The following TAF3 variants were observed in gnomAD, a reference collection of about 807,000 sequenced individuals.
The protein encoded by TAF3 is TATA-box binding protein associated factor 3, also known as transcription initiation factor TFIID subunit 3.
A neutral mutation model predicts 80.6 loss-of-function variants in TAF3; 7 were observed. That is an observed-to-expected ratio of 0.09 (90% CI 0.05 to 0.16). The LOEUF (loss-of-function observed/expected upper bound fraction) is 0.16. Ranked by LOEUF, TAF3 falls within the 10% of genes least tolerant of loss-of-function variation. TAF3 has a pLI of 1.00. For missense variants in TAF3, 921 were observed against 1,140.2 expected (o/e 0.81, Z 2.77); for synonymous variants, 444 against 446.1 (o/e 1.00, Z 0.06).
intron 2 of TAF3, among the ~76,000 whole-genome samples, chr10:7,941,596 C>T (rs1037877611): frequency 1.3e-5 from 2 of 152,210 alleles, no homozygotes; most frequent in East Asian, 3.8e-4. Context: ...CACTGCCTCA[C>T]TGTATCCTCA....
At chr10:7,867,176 T>A (rs948568213) in intron 2 of TAF3, among the ~76,000 whole-genome samples, 3 of 151,984 alleles carry the variant, frequency 2.0e-5, no homozygotes, top group African/African-American at 7.3e-5. Context: ...GGAGAATTGC[T>A]TGAACCCAGG....
At chr10:7,858,939 A>C (rs1588527344) in intron 2 of TAF3, among the ~76,000 whole-genome samples, 1 of 151,968 alleles carries the variant, frequency 6.6e-6, no homozygotes, top group South Asian at 2.1e-4. Flanking sequence ...TCTGGGCTCT[A>C]TTCATATGTC....
chr10:7,856,297 G>A (rs925561555), intron 2 of TAF3, among the ~76,000 whole-genome samples: 1 of 152,032 alleles, frequency 6.6e-6, no homozygotes, highest in African/African-American at 2.4e-5. Flanking sequence ...CCAGCATGGT[G>A]AAACCCCGTC....
intron 2 of TAF3, among the ~76,000 whole-genome samples, chr10:7,895,933 C>T (rs547451932): frequency 4.6e-5 from 7 of 152,212 alleles, no homozygotes; most frequent in South Asian, 4.2e-4. Flanking sequence ...CAGTGAACAC[C>T]GAAGCTGACC....
At position 7,859,154 on chromosome 10, in the gene TAF3, G is replaced by A. The variant is rs556900253; in HGVS notation, c.409+34594G>A. 9.0e-4 allele frequency among the ~76,000 whole-genome samples: 137 copies of A among 152,018 alleles called. 1 individual carries two copies. Among genetic ancestry groups the A allele is most frequent in the African/African-American group, 3.1e-3 (127 of 41,438 alleles). On this transcript the variant is annotated intron_variant, in intron 2 of 6. Transcript: ENST00000344293. ...TGGGCACCTGTAGTCCCAGTTACTC[G>A]GGAGGCTGAGGCAGGAGAATGGCGT...
rs183596781 is a variant in TAF3 at position 7,873,439 on chromosome 10, C to T, written c.409+48879C>T. Among the ~76,000 whole-genome samples the T allele has an allele frequency of 5.9e-5, 9 of 152,238 alleles. No individual in the cohort carries two copies. In the East Asian group the frequency reaches 1.3e-3, roughly 23 times the overall value. ...TGTAGGGTAAAATTTGAGAGATGAA[C>T]GAGATGGTTGAGGAACCTGTCATGT... is the stretch of plus-strand genomic sequence containing the variant. On this transcript the variant is annotated intron_variant, in intron 2 of 6. Coordinates refer to ENST00000344293, the MANE Select transcript of TAF3 (RefSeq NM_031923.4).
chr10:7,889,488 C>T (rs1837439406), intron 2 of TAF3, among the ~76,000 whole-genome samples: 1 of 152,178 alleles, frequency 6.6e-6, no homozygotes, highest in Admixed American at 6.5e-5. Flanking sequence ...GGCCCTTGGT[C>T]ACAGAGGTAG....
intron 2 of TAF3, among the ~76,000 whole-genome samples, chr10:7,959,563 T>G (rs1838169502): frequency 6.6e-6 from 1 of 152,230 alleles, no homozygotes; most frequent in East Asian, 1.9e-4. Flanking sequence ...GAGTCTTACT[T>G]TAAATCAAGC....
Position 7,818,763 on chromosome 10 carries a change from C to T in TAF3, c.54C>T (p.Cys18=), listed in dbSNP as rs567295716. The change falls in exon 1 of 7, where the codon TGC becomes TGT. Residue 18 remains cysteine, a synonymous_variant. Coordinates refer to ENST00000344293, the MANE Select transcript of TAF3 (RefSeq NM_031923.4). The stretch of plus-strand genomic sequence containing the variant: ...TGAGGGTCTCGGTGGCGCAGATCTG[C>T]CAGGCGCTGGGCTGGGACTCGGTGC... ...SLLRVSVAQI[C]QALGWDSVQL... is the part of the protein sequence containing the mutation. 3 of 1,563,116 alleles carry T rather than the reference C, an allele frequency of 1.9e-6. No individual in the cohort carries two copies. Among genetic ancestry groups the T allele is most frequent in the East Asian group, 4.7e-5 (2 of 42,434 alleles).
intron 2 of TAF3, among the ~76,000 whole-genome samples, chr10:7,939,848 A>G (rs1212754835): frequency 3.3e-5 from 5 of 152,224 alleles, no homozygotes; most frequent in East Asian, 1.9e-4. Flanking sequence ...GAGGTCCTAT[A>G]GCCAACTAAA....
At chr10:7,838,908 G>GTTTTTTTTTTTTTTTTTTTTTTT (rs71505463) in intron 2 of TAF3, among the ~76,000 whole-genome samples, 1 of 101,866 alleles carries the variant, frequency 9.8e-6, no homozygotes, top group Non-Finnish European at 1.9e-5. Flanking sequence ...GGCATTGCTT[G>GTTTTTTTTTTTTTTTTTTTTTTT]TTTTTTTTTT....
intron 4 of TAF3, among the ~76,000 whole-genome samples, chr10:7,978,177 G>T (rs1003719419): frequency 1.3e-5 from 2 of 152,108 alleles, no homozygotes; most frequent in Non-Finnish European, 2.9e-5. Flanking sequence ...ATCAAATATT[G>T]TGTTGAAAAT....
At chr10:7,933,014 A>G (rs1249179170) in intron 2 of TAF3, among the ~76,000 whole-genome samples, 2 of 152,026 alleles carry the variant, frequency 1.3e-5, no homozygotes, top group African/African-American at 2.4e-5. Context: ...GCAAGACTAG[A>G]AGGAAACCCA....
In TAF3 at chr10:8,016,157, C is replaced by T. The variant is rs1439023504; in HGVS notation, c.*1406C>T. ...TATTTTAGCAACTTTGGGATAAATA[C>T]GGACTTTTACTTGATTTTGAAATAA... is the stretch of plus-strand genomic sequence containing the variant. On this transcript the variant is annotated 3_prime_UTR_variant, in exon 7 of 7. Transcript: ENST00000344293. 2 of 152,080 alleles carry T rather than the reference C, an allele frequency of 1.3e-5. No individual in the cohort carries two copies. Among genetic ancestry groups the T allele is most frequent in the African/African-American group, 4.8e-5 (2 of 41,400 alleles). The allele number at this position is 152,080 out of a possible 1,614,324, so 9.4% of individuals were successfully genotyped here.
chr10:7,925,301 C>T (rs1411935073), intron 2 of TAF3, among the ~76,000 whole-genome samples: 1 of 152,164 alleles, frequency 6.6e-6, no homozygotes, highest in Non-Finnish European at 1.5e-5. Context: ...GCAGGTCAGG[C>T]GAGGCTCTGC....
In TAF3 at chr10:7,964,648, G is replaced by A; in HGVS notation, c.1138G>A (p.Ala380Thr). ...GAACAGTGAGAATCAGCCGAAAAAG[G>A]CTGTGGTAGCAGATAAAACGATTGA... ...KLNSENQPKKAVVADKTIEAS... is the reference protein window; with the variant it reads ...KLNSENQPKKTVVADKTIEAS... The change falls in exon 3 of 7, where the codon GCT becomes ACT. Residue 380 changes from alanine (A) to threonine (T), a missense_variant. By Grantham distance (58) the Ala-to-Thr change is moderately conservative (BLOSUM62 0). Around this residue, in one of 6 missense-constraint regions of TAF3, gnomAD observed 743 missense variants for 821.0 expected, o/e 0.90. Transcript: ENST00000344293. This position sits in a 1 kb window ranked among gnomAD's most constrained non-coding sequence, Gnocchi z 4.1. The A allele has an allele frequency of 6.2e-7, 1 of 1,614,194 alleles. No homozygotes were observed. The highest frequency in any genetic ancestry group is 2.2e-5 in the East Asian group (1 of 44,880).
At chr10:7,997,177 A>G (rs1394001584) in intron 4 of TAF3, among the ~76,000 whole-genome samples, 1 of 152,286 alleles carries the variant, frequency 6.6e-6, no homozygotes, top group East Asian at 1.9e-4. Context: ...TTTCTATAAA[A>G]TTCATGGAAG....
At chr10:7,906,073 A>C (rs760131857) in intron 2 of TAF3, among the ~76,000 whole-genome samples, 4 of 152,244 alleles carry the variant, frequency 2.6e-5, no homozygotes, top group Non-Finnish European at 2.9e-5. Flanking sequence ...CGTGGATAAC[A>C]CTTGATGCTA....
At chr10:7,819,892 G>A (rs986000742) in intron 1 of TAF3, among the ~76,000 whole-genome samples, 9 of 152,176 alleles carry the variant, frequency 5.9e-5, no homozygotes, top group Admixed American at 1.3e-4. Context: ...GCTTCCACAG[G>A]GCTGCCAAAA....
Sources: allele counts gnomAD v4.1 joint callset (sites outside exome capture counted in the v4.1 genomes callset), GRCh38; gene constraint gnomAD v4.1.1; regional missense constraint gnomAD v4.1.1; non-coding constraint Gnocchi (gnomAD v3.1); transcripts MANE v1.5; gene names NCBI Gene and HGNC (gene_info 2026-07-23, HGNC 2026-07-21).